PGM5: variants seen among roughly 807,000 people sequenced by gnomAD.
PGM5 encodes the protein phosphoglucomutase 5.
PGM5 carries 23 observed loss-of-function variants against 59.2 expected under a neutral mutation model. The observed-to-expected ratio is 0.39, with a 90% CI of 0.28 to 0.55. The LOEUF (loss-of-function observed/expected upper bound fraction) is 0.55. PGM5 is among the 20% of genes least tolerant of loss of function. The probability of loss-of-function intolerance (pLI) is 0.66; values close to 1 mark genes in which losing one functional copy is unlikely to be tolerated. For synonymous variants in PGM5, 214 were observed against 286.0 expected (o/e 0.75, Z 2.54); for missense variants, 574 against 748.3 (o/e 0.77, Z 2.72).
chr9:68,456,877 C>T (rs1159476207), intron 6 of PGM5, among the ~76,000 whole-genome samples: 1 of 150,504 alleles, frequency 6.6e-6, no homozygotes, highest in Non-Finnish European at 1.5e-5. Flanking sequence ...CTACCCTCCT[C>T]GGCCTCCCAA....
chr9:68,376,835 C>CTTTCT (rs1821920225), intron 1 of PGM5, among the ~76,000 whole-genome samples: 5 of 58,598 alleles, frequency 8.5e-5, no homozygotes, highest in Non-Finnish European at 1.7e-4. Flanking sequence ...CTTTCTTTCT[C>CTTTCT]TTTCTTTCTT....
chr9:68,358,807 G>A (rs1428116272), intron 1 of PGM5, among the ~76,000 whole-genome samples: 1 of 151,948 alleles, frequency 6.6e-6, no homozygotes, highest in Non-Finnish European at 1.5e-5. Context: ...GTGGTGTTGG[G>A]GTGGGTAGTG....
At chr9:68,486,336 T>C (rs868929523) in intron 9 of PGM5, among the ~76,000 whole-genome samples, 6 of 152,250 alleles carry the variant, frequency 3.9e-5, no homozygotes, top group South Asian at 4.1e-4. Flanking sequence ...CAGTTTCTAG[T>C]ATATTTACAG....
At position 68,370,371 on chromosome 9, in the gene PGM5, A is replaced by G. The variant is rs1554677069; in HGVS notation, c.262-7828A>G. 2.0e-5 allele frequency among the ~76,000 whole-genome samples: 3 copies of G among 149,932 alleles called. No homozygotes were observed. In the South Asian group the frequency reaches 6.2e-4, roughly 31 times the overall value. On this transcript the variant is annotated intron_variant, in intron 1 of 10. Transcript: ENST00000396396. ...CACACATGAAAGAAATCCTGCTTTC[A>G]TGCGTGTTATGTCACAGGAAAAACT... is the stretch of plus-strand genomic sequence containing the variant.
chr9:68,411,996 A>G (rs1453893415), intron 6 of PGM5, among the ~76,000 whole-genome samples: 9 of 149,202 alleles, frequency 6.0e-5, no homozygotes. Flanking sequence ...TAGCTTCCCT[A>G]CATTACAGCT....
intron 6 of PGM5, among the ~76,000 whole-genome samples, chr9:68,457,779 A>G (rs1206064476): frequency 6.6e-6 from 1 of 152,210 alleles, no homozygotes; most frequent in African/African-American, 2.4e-5. Flanking sequence ...CTGATTTTAA[A>G]TCTTCCAAGA....
intron 7 of PGM5, 130 bp from the exon 8 acceptor site, chr9:68,479,288 T>A (rs1487088038): frequency 1.0e-5 from 8 of 766,022 alleles, no homozygotes; most frequent in Non-Finnish European, 1.5e-5. Flanking sequence ...AGACATATAT[T>A]TAATATAATG....
At chr9:68,441,237 T>C (rs534075630) in intron 6 of PGM5, among the ~76,000 whole-genome samples, 2 of 151,996 alleles carry the variant, frequency 1.3e-5, no homozygotes, top group Non-Finnish European at 2.9e-5. Flanking sequence ...CTAAATAATA[T>C]CTTCCAGAAA....
chr9:68,409,057 G>A (rs202054977), intron 6 of PGM5, among the ~76,000 whole-genome samples: 110 of 142,888 alleles, frequency 7.7e-4, no homozygotes, highest in South Asian at 1.6e-3. Context: ...TTGGCGATGC[G>A]GGCTCTTTTT....
intron 6 of PGM5, among the ~76,000 whole-genome samples, chr9:68,412,832 T>C (rs1822957272): frequency 6.6e-6 from 1 of 152,240 alleles, no homozygotes; most frequent in Non-Finnish European, 1.5e-5. Context: ...TGTTTAGAGA[T>C]AATGGACCTA....
Position 68,499,466 on chromosome 9 carries a change from A to G in PGM5, c.1614+105A>G, listed in dbSNP as rs375976521. 1.5e-5 allele frequency: 18 copies of G among 1,186,612 alleles called. No individual in the cohort carries two copies. In the East Asian group the frequency reaches 3.5e-4, roughly 23 times the overall value. The allele number at this position is 1,186,612 out of a possible 1,614,324, so 73.5% of individuals were successfully genotyped here. ...GCTATTTTACCTCCTGGAAAGGTAC[A>G]TGATAATTTCAGCTGGAGGACAAGC... is the stretch of plus-strand genomic sequence containing the variant. On this transcript the variant is annotated intron_variant, in intron 10 of 10. Transcript: ENST00000396396.
At chr9:68,526,524 A>G (rs1824977300) in intron 10 of PGM5, among the ~76,000 whole-genome samples, 1 of 152,200 alleles carries the variant, frequency 6.6e-6, no homozygotes, top group African/African-American at 2.4e-5. Flanking sequence ...AAAACATATA[A>G]ATGTACATGC....
rs782394927 is a variant in PGM5, at chr9:68,387,526, C to T, written c.635C>T (p.Ala212Val). The T allele has an allele frequency of 6.2e-7, 1 of 1,611,708 alleles. No individual in the cohort carries two copies. The highest frequency in any genetic ancestry group is 2.2e-5 in the East Asian group (1 of 44,846). Residue 212 changes from alanine (A) to valine (V), a missense_variant, in exon 4 of 11, where the codon GCC (alanine) becomes GTC (valine). Coordinates refer to ENST00000396396, the MANE Select transcript of PGM5 (RefSeq NM_021965.4). ...CTTCGGACCATCTTTGACTTTCATG[C>T]CATCAAGGGTTTGCTGACTGGACCC... ...NLLRTIFDFH[A>V]IKGLLTGPSQ...
intron 1 of PGM5, among the ~76,000 whole-genome samples, chr9:68,358,715 T>A (rs1834517199): frequency 6.6e-6 from 1 of 152,046 alleles, no homozygotes; most frequent in South Asian, 2.1e-4. Context: ...CTACTATAAT[T>A]CCTCCTTCTC....
rs557340103 is a variant in PGM5, at chr9:68,485,871, A to AG, written c.1479+1829dup. ...TCTTTGCAGGTCTGGGTTTAGCTCAAGGGGGGTGATGAGAGACCAGTTACT... is the reference window on the plus strand; with the variant it reads ...TCTTTGCAGGTCTGGGTTTAGCTCAAGGGGGGGTGATGAGAGACCAGTTACT... On this transcript the variant is annotated intron_variant, in intron 9 of 10. Coordinates refer to ENST00000396396, the MANE Select transcript of PGM5 (RefSeq NM_021965.4). 3.1e-4 allele frequency among the ~76,000 whole-genome samples: 47 copies of AG among 152,272 alleles called. 1 individual carries two copies. The South Asian group carries it at 7.9e-3, about 26-fold the overall frequency.
chr9:68,465,527 TC>T (rs1403749895), intron 7 of PGM5, among the ~76,000 whole-genome samples: 16 of 152,276 alleles, frequency 1.1e-4, no homozygotes, highest in African/African-American at 3.6e-4. Context: ...TGATCAATCT[TC>T]CTTTATCTCT....
intron 7 of PGM5, among the ~76,000 whole-genome samples, chr9:68,465,594 G>A (rs1247779850): frequency 2.0e-5 from 3 of 152,194 alleles, no homozygotes; most frequent in East Asian, 3.9e-4. Flanking sequence ...ATCCTCTGTA[G>A]CTCATTGTTT....
intron 8 of PGM5, among the ~76,000 whole-genome samples, chr9:68,481,291 C>T (rs1238618550): frequency 6.6e-6 from 1 of 152,134 alleles, no homozygotes; most frequent in Non-Finnish European, 1.5e-5. Context: ...ATTCTTAGTT[C>T]CCATTTAGTC....
chr9:68,389,551 A>T (rs530270917), intron 4 of PGM5, among the ~76,000 whole-genome samples: 2 of 152,204 alleles, frequency 1.3e-5, no homozygotes, highest in South Asian at 4.1e-4. Context: ...TTCGATATAC[A>T]TTCCTGGTGT....
Sources: gnomAD v4.1 joint callset for allele counts (sites outside exome capture counted in the v4.1 genomes callset) on GRCh38, gnomAD v4.1.1 for gene constraint, MANE v1.5 for transcripts, NCBI Gene and HGNC (gene_info 2026-07-23, HGNC 2026-07-21) for gene names.